Variants in ARMCX4 observed in about 807,000 individuals in gnomAD.
ARMCX4 encodes the protein armadillo repeat containing X-linked 4, also known as armadillo repeat-containing X-linked protein 4.
A neutral mutation model predicts 34.7 loss-of-function variants in ARMCX4; 3 were observed. The ratio of observed to expected loss-of-function variants is 0.09; its 90% CI spans 0.04 to 0.22. The LOEUF (loss-of-function observed/expected upper bound fraction) is 0.22. ARMCX4 is among the 10% of genes least tolerant of loss of function. The pLI, the probability that ARMCX4 is intolerant of heterozygous loss-of-function variation, is 1.00. For synonymous variants in ARMCX4, 513 were observed against 632.8 expected (o/e 0.81, Z 2.84); for missense variants, 1,448 against 1,720.8 (o/e 0.84, Z 2.81).
chrX:101,522,547 C>A (rs782725275), intron 11 of ARMCX4, among the ~76,000 whole-genome samples: 1 of 112,229 alleles, frequency 8.9e-6, no homozygotes, highest in African/African-American at 3.2e-5. Flanking sequence ...TTCTATATGT[C>A]TCATATCTTT....
chrX:101,422,255 G>T (rs1024191611), intron 2 of ARMCX4, among the ~76,000 whole-genome samples: 1 of 110,709 alleles, frequency 9.0e-6, no homozygotes, highest in Non-Finnish European at 1.9e-5. Flanking sequence ...GACTTCAGGT[G>T]ATCCACCCGC....
intron 2 of ARMCX4, among the ~76,000 whole-genome samples, chrX:101,430,562 C>G (rs1419602015): frequency 1.8e-5 from 2 of 112,469 alleles, no homozygotes; most frequent in African/African-American, 6.5e-5. Context: ...GAGCATGTGA[C>G]AAATAGTCTA....
chrX:101,426,668 G>A, intron 2 of ARMCX4, among the ~76,000 whole-genome samples: 1 of 111,638 alleles, frequency 9.0e-6, no homozygotes, highest in Middle Eastern at 4.6e-3. Context: ...AAGTGTTCTA[G>A]TGTTTTATTT....
rs1243255359 is a variant in ARMCX4 at position 101,489,928 on chromosome X, G to A, written c.1339G>A (p.Asp447Asn). ...CAATTCCCAGGTTGAGGCCTTGCCT[G>A]ATGCCAGGGATAAGAGCAGAGGCAA... ...RANSQVEALP[D>N]ARDKSRGNPN... Residue 447 changes from aspartate (D) to asparagine (N), a missense_variant, in exon 6 of 6, where the codon GAT (aspartate) becomes AAT (asparagine). Asp to Asn is a conservative substitution (Grantham distance 23, BLOSUM62 1). This residue lies in a region of ARMCX4 where 1,343 missense variants were observed against 1,540.7 expected (regional missense o/e 0.87). Coordinates refer to ENST00000423738, the MANE Select transcript of ARMCX4 (RefSeq NM_001256155.3). 4 of 1,156,080 alleles carry A rather than the reference G, an allele frequency of 3.5e-6. No individual in the cohort carries two copies. The highest frequency in any genetic ancestry group is 4.6e-6 in the Non-Finnish European group (4 of 872,959).
chrX:101,535,575 A>T (rs1280257379), downstream of ARMCX4, among the ~76,000 whole-genome samples: 2 of 111,886 alleles, frequency 1.8e-5, no homozygotes, highest in Non-Finnish European at 3.8e-5. Context: ...TGAGGTTTTC[A>T]TTGCTTTCAG....
downstream of ARMCX4, among the ~76,000 whole-genome samples, chrX:101,497,001 T>C (rs1934192546): frequency 8.9e-6 from 1 of 112,122 alleles, no homozygotes; most frequent in Admixed American, 9.5e-5. Context: ...TTGATGTATG[T>C]CTACACATTT....
At chrX:101,445,479 C>A (rs1351626873) in intron 3 of ARMCX4, among the ~76,000 whole-genome samples, 2 of 111,905 alleles carry the variant, frequency 1.8e-5, no homozygotes, top group Non-Finnish European at 3.8e-5. Flanking sequence ...TCAGATCAAA[C>A]CCATGAAAGA....
At chrX:101,420,715 C>T (rs1929187071) in intron 2 of ARMCX4, among the ~76,000 whole-genome samples, 1 of 112,125 alleles carries the variant, frequency 8.9e-6, no homozygotes, top group Admixed American at 9.4e-5. Flanking sequence ...GCTATGTGTT[C>T]AGAGATGGCA....
At position 101,441,619 on chromosome X, in the gene ARMCX4, TCTAA is replaced by T. The variant is rs782377280; in HGVS notation, n.165-2430_165-2427del. On this transcript the variant is annotated intron_variant and non_coding_transcript_variant, in intron 2 of 3. Transcript: ENST00000430461. ...ACACACACACACACACCACCAGTGC[TCTAA>T]CTCTCAAATCTAACACTACTACCCA... 5.2e-3 allele frequency among the ~76,000 whole-genome samples: 575 copies of T among 109,594 alleles called. 8 individuals carry two copies. The highest frequency in any genetic ancestry group is 8.3e-3 in the Non-Finnish European group (438 of 52,615).
intron 2 of ARMCX4, among the ~76,000 whole-genome samples, chrX:101,432,696 A>G (rs1930141324): frequency 9.4e-6 from 1 of 106,769 alleles, no homozygotes. Context: ...ATACGTATAT[A>G]TACACATATA....
intron 11 of ARMCX4, among the ~76,000 whole-genome samples, chrX:101,517,319 G>A (rs1188867748): frequency 1.8e-5 from 2 of 112,131 alleles, no homozygotes; most frequent in Non-Finnish European, 3.8e-5. Flanking sequence ...TAGAATAACT[G>A]TACCAACAAT....
At chrX:101,515,779 T>C (rs191297720) in intron 11 of ARMCX4, among the ~76,000 whole-genome samples, 2 of 109,042 alleles carry the variant, frequency 1.8e-5, no homozygotes, top group Non-Finnish European at 3.8e-5. Context: ...TGGCCTCAAG[T>C]GATTCTCCCA....
rs1377178974 is a variant in ARMCX4 at position 101,494,435 on chromosome X, G to T, written c.5846G>T (p.Trp1949Leu). The T allele has an allele frequency of 8.7e-7, 1 of 1,155,624 alleles. No homozygotes were observed. The highest frequency in any genetic ancestry group is 1.1e-6 in the Non-Finnish European group (1 of 872,816). ...GCTGGTGGAGTTGATATAGGGTCTT[G>T]GTTCTGTGCTGGTAATGAAAACACA... ...EAAGGVDIGS[W>L]FCAGNENTSE... Residue 1949 changes from tryptophan to leucine, a missense_variant, in exon 6 of 6, where the codon TGG (tryptophan) becomes TTG (leucine). By Grantham distance (61) the Trp-to-Leu change is moderately conservative. Around this residue, in one of 2 missense-constraint regions of ARMCX4, gnomAD observed 1,343 missense variants for 1,540.7 expected, o/e 0.87. Coordinates refer to ENST00000423738, the MANE Select transcript of ARMCX4 (RefSeq NM_001256155.3).
chrX:101,439,306 T>C lies in ARMCX4; in HGVS notation n.165-4746T>C, dbSNP rs782493582. Among the ~76,000 whole-genome samples, 982 of 111,801 alleles carry C rather than the reference T, an allele frequency of 8.8e-3. 10 individuals are homozygous for C. Among genetic ancestry groups the C allele is most frequent in the African/African-American group, 0.03 (912 of 30,754 alleles). ...GAATGTTGAATATTGGCCCCCACTCTCTTCTGGCTTGTAGAGTTTCTGCCG... is the reference window on the plus strand; with the variant it reads ...GAATGTTGAATATTGGCCCCCACTCCCTTCTGGCTTGTAGAGTTTCTGCCG... On this transcript the variant is annotated intron_variant and non_coding_transcript_variant, in intron 2 of 3. Coordinates refer to the ARMCX4 transcript ENST00000430461.
intron 2 of ARMCX4, among the ~76,000 whole-genome samples, chrX:101,430,826 C>G (rs1427854900): frequency 8.9e-6 from 1 of 112,178 alleles, no homozygotes; most frequent in Non-Finnish European, 1.9e-5. Context: ...TATTTATCTT[C>G]CACAAATGAG....
intron 2 of ARMCX4, among the ~76,000 whole-genome samples, chrX:101,439,077 A>G (rs1168551399): frequency 8.9e-6 from 1 of 111,904 alleles, no homozygotes; most frequent in Non-Finnish European, 1.9e-5. Context: ...GATAGTCTTT[A>G]CAATTTGGCA....
At chrX:101,466,151 C>T (rs1332705885) in intron 4 of ARMCX4, among the ~76,000 whole-genome samples, 3 of 111,511 alleles carry the variant, frequency 2.7e-5, no homozygotes, top group Non-Finnish European at 5.7e-5. Context: ...TCTCACAATT[C>T]GATATTAAGA....
rs1934601745 is a variant in ARMCX4, at chrX:101,512,505, C to T, written c.*1780+1450C>T. 2.7e-5 allele frequency among the ~76,000 whole-genome samples: 3 copies of T among 111,538 alleles called. No homozygotes were observed. The East Asian group carries it at 8.5e-4, about 31-fold the overall frequency. ...TGGAGTGAATCACATACTCCTAACT[C>T]ATCATCATCATTCATGGGAGATTGG... On this transcript the variant is annotated intron_variant and NMD_transcript_variant, in intron 11 of 12. Transcript: ENST00000354842.
chrX:101,476,288 A>C (rs1933183552), intron 4 of ARMCX4, among the ~76,000 whole-genome samples: 1 of 109,623 alleles, frequency 9.1e-6, no homozygotes, highest in Non-Finnish European at 1.9e-5. Context: ...CCTAGATAGA[A>C]GAATCAAATA....
Sources: gnomAD v4.1 joint callset for allele counts (sites outside exome capture counted in the v4.1 genomes callset) on GRCh38, gnomAD v4.1.1 for gene constraint, gnomAD v4.1.1 regional missense constraint, MANE v1.5 for transcripts, NCBI Gene and HGNC (gene_info 2026-07-23, HGNC 2026-07-21) for gene names.